The following MLX variants were observed in gnomAD, a reference collection of about 807,000 sequenced individuals.
MLX encodes MAX dimerization protein MLX.
MLX carries 15 observed loss-of-function variants against 33.0 expected under a neutral mutation model. The ratio of observed to expected loss-of-function variants is 0.45; its 90% CI spans 0.30 to 0.70. The LOEUF is 0.70. Among genes scored for constraint, MLX ranks in the 30% least tolerant of loss-of-function variants. The pLI is 0.07. For synonymous variants in MLX, 115 were observed against 115.6 expected (o/e 0.99, Z 0.03); for missense variants, 285 against 306.3 (o/e 0.93, Z 0.52).
intron 1 of MLX, chr17:42,567,392 G>A (rs1262933837): frequency 1.4e-6 from 2 of 1,417,926 alleles, no homozygotes; most frequent in African/African-American, 2.9e-5. Context: ...GTGGAGTAGG[G>A]GCGGAAGGGA....
intron 7 of MLX, 53 bp downstream of exon 7, chr17:42,570,236 A>G (rs2093025216): frequency 6.4e-7 from 1 of 1,570,526 alleles, no homozygotes; most frequent in South Asian, 1.1e-5. Context: ...CATCAAGCAA[A>G]GTGGCCCAAG....
At position 42,570,008 on chromosome 17, in the gene MLX, A is replaced by G. The variant is rs748411344; in HGVS notation, c.503A>G (p.His168Arg). ...AACTATGAGCAGATTGTGAAGGCAC[A>G]CCAGGACAACCCCCATGAAGGGGAG... ...KVNYEQIVKAHQDNPHEGEDQ... is the reference protein window; with the variant it reads ...KVNYEQIVKARQDNPHEGEDQ... Residue 168 changes from histidine (H) to arginine (R), a missense_variant, in exon 7 of 8, where the codon CAC (histidine) becomes CGC (arginine). Transcript: ENST00000435881. The G allele has an allele frequency of 6.2e-7, 1 of 1,614,026 alleles. No individual in the cohort carries two copies.
At position 42,572,775 on chromosome 17, in the gene MLX, G is replaced by A. The variant is rs761354602; in HGVS notation, c.*1172G>A. ...TGCAATTTAGACAATGAAATGGGCTGGGTCTACCCCCAGCCACCAGCCCTC... is the reference window on the plus strand; with the variant it reads ...TGCAATTTAGACAATGAAATGGGCTAGGTCTACCCCCAGCCACCAGCCCTC... On this transcript the variant is annotated 3_prime_UTR_variant, in exon 8 of 8. Coordinates refer to ENST00000435881, the MANE Select transcript of MLX (RefSeq NM_198204.2). 9 of 708,518 alleles carry A rather than the reference G, an allele frequency of 1.3e-5. No homozygotes were observed. The highest frequency in any genetic ancestry group is 6.0e-5 in the South Asian group (4 of 67,206). 43.9% of individuals were successfully genotyped at this position (708,518 alleles called of 1,614,324 possible). A position where few individuals can be genotyped will look rare whatever the true frequency, so the allele number is the denominator to read the frequency against.
At chr17:42,569,056 G>A (rs1315004575) in intron 4 of MLX, 113 bp downstream of exon 4, 2 of 1,293,118 alleles carry the variant, frequency 1.5e-6, no homozygotes, top group Non-Finnish European at 2.2e-6. Flanking sequence ...TGGGCAGGTA[G>A]TATAGTCCCA....
intron 6 of MLX, 164 bp from the exon 7 acceptor site, chr17:42,569,818 G>A (rs1033809299): frequency 1.6e-5 from 12 of 743,646 alleles, no homozygotes; most frequent in Non-Finnish European, 2.5e-5. Flanking sequence ...GTTGGAGAGA[G>A]AGGGCCACCT....
chr17:42,568,526 G>A lies in MLX; in HGVS notation c.136G>A (p.Gly46Ser), dbSNP rs201079657. 21 of 1,613,614 alleles carry A rather than the reference G, an allele frequency of 1.3e-5. No homozygotes were observed. The highest frequency in any genetic ancestry group is 2.2e-5 in the East Asian group (1 of 44,856). The change falls in exon 3 of 8, where the codon GGT becomes AGT. Residue 46 changes from glycine (G) to serine (S), a missense_variant. Physicochemically the swap from Gly to Ser is moderately conservative, Grantham distance 56. Transcript: ENST00000435881. ...GSVVSRANSI[G>S]STSASSVPNT... ...TGTAGTGTCCAGAGCTAATAGCATC[G>A]GTTCCACCAGTGCCTCTTCTGTCCC... is the stretch of plus-strand genomic sequence containing the variant.
intron 6 of MLX, 65 bp from the exon 7 acceptor site, chr17:42,569,917 C>G: frequency 6.8e-7 from 1 of 1,465,922 alleles, no homozygotes; most frequent in Non-Finnish European, 9.5e-7. Context: ...ACAGGATAGT[C>G]CCGTCATTCT....
At position 42,567,736 on chromosome 17, in the gene MLX, C is replaced by T. The variant is rs182743926; in HGVS notation, c.79+81C>T. The T allele has an allele frequency of 1.8e-5, 29 of 1,580,948 alleles. No individual in the cohort carries two copies. In the African/African-American group the frequency reaches 2.8e-4, roughly 15 times the overall value. On this transcript the variant is annotated intron_variant, in intron 2 of 7. Transcript: ENST00000435881. ...GATTCTTGTGGCGTTGCCAACCACG[C>T]CTGAGCACAGTCCACTCTCCCTGAG...
At chr17:42,569,356 G>A (rs2093021693) in intron 5 of MLX, 53 bp downstream of exon 5, 1 of 1,569,182 alleles carries the variant, frequency 6.4e-7, no homozygotes, top group Admixed American at 1.7e-5. Context: ...GCTGTGAAGA[G>A]GCCAGTGCCT....
intron 7 of MLX, 115 bp from the exon 8 acceptor site, chr17:42,571,432 G>A (rs1317524415): frequency 8.7e-7 from 1 of 1,153,730 alleles, no homozygotes; most frequent in African/African-American, 1.5e-5. Flanking sequence ...TGGCCCCCGG[G>A]GGGCTATTTT....
At chr17:42,569,472 C>T (rs762257345) in intron 5 of MLX, 35 bp from the exon 6 acceptor site, 4 of 1,573,674 alleles carry the variant, frequency 2.5e-6, no homozygotes, top group Non-Finnish European at 3.5e-6. Flanking sequence ...GAGAATACTT[C>T]TGTACCTGTC....
chr17:42,572,377 A>G lies in MLX; in HGVS notation c.*774A>G. 2.2e-6 allele frequency: 1 copy of G among 454,668 alleles called. No individual in the cohort carries two copies. The highest frequency in any genetic ancestry group is 4.4e-6 in the Non-Finnish European group (1 of 226,780). 28.2% of individuals were successfully genotyped at this position (454,668 alleles called of 1,614,324 possible). ...TTTGCTACGGTTACAATTTTGAAAT[A>G]TTAACTGAGCCTCAAAATCACCCTT... is the stretch of plus-strand genomic sequence containing the variant. On this transcript the variant is annotated 3_prime_UTR_variant, in exon 8 of 8. Coordinates refer to ENST00000435881, the MANE Select transcript of MLX (RefSeq NM_198204.2).
In MLX at chr17:42,570,023, A is replaced by G. The variant is rs1447306646; in HGVS notation, c.518A>G (p.His173Arg). The change falls in exon 7 of 8, where the codon CAT (histidine) becomes CGT (arginine). Residue 173 changes from histidine to arginine, a missense_variant. By Grantham distance (29) the His-to-Arg change is conservative. Transcript: ENST00000435881. ...GTGAAGGCACACCAGGACAACCCCC[A>G]TGAAGGGGAGGACCAGGTCTCTGAC... ...QIVKAHQDNP[H>R]EGEDQVSDQV... 2 of 1,613,988 alleles carry G rather than the reference A, an allele frequency of 1.2e-6. No homozygotes were observed. Among genetic ancestry groups the G allele is most frequent in the East Asian group, 4.5e-5 (2 of 44,892 alleles).
chr17:42,569,008 C>A (rs2093020499), intron 4 of MLX, 65 bp downstream of exon 4: 1 of 1,508,736 alleles, frequency 6.6e-7, no homozygotes, highest in Non-Finnish European at 9.1e-7. Context: ...CTTCCCTGTG[C>A]CCTGACCCAC....
At position 42,570,160 on chromosome 17, in the gene MLX, A is replaced by G. The variant is rs1388644291; in HGVS notation, c.655A>G (p.Ile219Val). The change falls in exon 7 of 8, where the codon ATC becomes GTC. Residue 219 changes from isoleucine (I) to valine (V), a missense_variant. Coordinates refer to ENST00000435881, the MANE Select transcript of MLX (RefSeq NM_198204.2). Reference sequence around the variant, plus strand: ...GCTGTCAGCGTGTGTCTTCAGCTGGATCGAGGAGCACTGTAAGCCTCAGGT... The same window carrying G: ...GCTGTCAGCGTGTGTCTTCAGCTGGGTCGAGGAGCACTGTAAGCCTCAGGT... ...QELSACVFSW[I>V]EEHCKPQTLR... 1.9e-6 allele frequency: 3 copies of G among 1,613,770 alleles called. No individual in the cohort carries two copies. Among genetic ancestry groups the G allele is most frequent in the Non-Finnish European group, 1.7e-6 (2 of 1,180,034 alleles).
chr17:42,569,742 G>T, intron 6 of MLX, 136 bp downstream of exon 6: 1 of 770,640 alleles, frequency 1.3e-6, no homozygotes, highest in Non-Finnish European at 2.2e-6. Flanking sequence ...GTAGGACTGT[G>T]TATCCCCAAC....
intron 1 of MLX, 62 bp from the exon 2 acceptor site, chr17:42,567,557 G>T (rs2093013397): frequency 1.2e-6 from 2 of 1,610,930 alleles, no homozygotes; most frequent in African/African-American, 2.7e-5. Context: ...GCCTGCAGTG[G>T]AAGGGGCGCC....
rs753884861 is a variant in MLX, at chr17:42,568,510, C to G, written c.120C>G (p.Ser40=). Residue 40 remains serine (S), a synonymous_variant, in exon 3 of 8, where the codon TCC becomes TCG. Coordinates refer to ENST00000435881, the MANE Select transcript of MLX (RefSeq NM_198204.2). The part of the protein sequence containing the change: ...VESTRKGSVV[S]RANSIGSTSA... The stretch of plus-strand genomic sequence containing the variant: ...GCACCCGCAAGGGGAGTGTAGTGTC[C>G]AGAGCTAATAGCATCGGTTCCACCA... 6.2e-7 allele frequency: 1 copy of G among 1,613,776 alleles called. No homozygotes were observed. Among genetic ancestry groups the G allele is most frequent in the Non-Finnish European group, 8.5e-7 (1 of 1,179,916 alleles).
At position 42,573,027 on chromosome 17, in the gene MLX, G is replaced by C. The variant is rs769966866; in HGVS notation, c.*1424G>C. On this transcript the variant is annotated 3_prime_UTR_variant, in exon 8 of 8. Transcript: ENST00000435881. Reference sequence around the variant, plus strand: ...TCCGTCTCTATCCCAACTTCCTCCTGTGAGACAGGGAGACAAGTGAATGAG... The same window carrying C: ...TCCGTCTCTATCCCAACTTCCTCCTCTGAGACAGGGAGACAAGTGAATGAG... The C allele has an allele frequency of 6.2e-7, 1 of 1,614,114 alleles. No individual in the cohort carries two copies. Among genetic ancestry groups the C allele is most frequent in the Non-Finnish European group, 8.5e-7 (1 of 1,180,052 alleles).
Sources: gnomAD v4.1 joint callset for allele counts on GRCh38, gnomAD v4.1.1 for gene constraint, MANE v1.5 for transcripts, NCBI Gene and HGNC (gene_info 2026-07-23, HGNC 2026-07-21) for gene names.